Variants in VAV2 observed in about 807,000 individuals in gnomAD.
VAV2 encodes the protein guanine nucleotide exchange factor VAV2.
VAV2 carries 67 observed loss-of-function variants against 132.5 expected under a neutral mutation model. The observed-to-expected ratio is 0.51, with a 90% confidence interval of 0.42 to 0.62. VAV2 has a LOEUF of 0.62. VAV2 is among the 20% of genes least tolerant of loss of function. The pLI is 0.00. For synonymous variants in VAV2, 492 were observed against 443.5 expected, an observed-to-expected ratio of 1.11 and a Z score of -1.37; for missense variants, 938 against 1,153.6, an observed-to-expected ratio of 0.81 and a Z score of 2.71.
At chr9:133,932,624 G>A (rs1021590960) in intron 2 of VAV2, among the ~76,000 whole-genome samples, 3 of 152,220 alleles carry the variant, frequency 2.0e-5, no homozygotes, top group African/African-American at 7.2e-5. Flanking sequence ...CAAGGGGACA[G>A]TCTCAAGCTT....
intron 29 of VAV2, 39 bp from the exon 30 acceptor site, chr9:133,764,148 G>C (rs370246631): frequency 4.3e-6 from 7 of 1,612,798 alleles, no homozygotes; most frequent in Non-Finnish European, 5.9e-6. Context: ...GTGTGTGTGT[G>C]TGTGTGTAAG....
chr9:133,860,251 G>A (rs958447574), intron 3 of VAV2, among the ~76,000 whole-genome samples: 3 of 151,308 alleles, frequency 2.0e-5, no homozygotes, highest in Non-Finnish European at 4.4e-5. Flanking sequence ...GCAGTGAGCC[G>A]AGATCGCGCC....
intron 2 of VAV2, among the ~76,000 whole-genome samples, chr9:133,900,992 G>T (rs1839420139): frequency 6.6e-6 from 1 of 151,664 alleles, no homozygotes; most frequent in Non-Finnish European, 1.5e-5. Context: ...TAGAGACGGG[G>T]TTTCACCGTT....
At chr9:133,873,886 G>T (rs1838158174) in intron 2 of VAV2, among the ~76,000 whole-genome samples, 1 of 152,220 alleles carries the variant, frequency 6.6e-6, no homozygotes, top group Admixed American at 6.5e-5. Context: ...AGAACGAGGG[G>T]TTCCTGTTTG....
At chr9:133,972,986 G>A (rs1374528135) in intron 1 of VAV2, among the ~76,000 whole-genome samples, 1 of 152,146 alleles carries the variant, frequency 6.6e-6, no homozygotes, top group Non-Finnish European at 1.5e-5. Context: ...AGGGTGGGAG[G>A]CGGAGGAGGA....
chr9:133,950,143 C>T (rs576910340), intron 1 of VAV2, among the ~76,000 whole-genome samples: 1 of 152,334 alleles, frequency 6.6e-6, no homozygotes, highest in East Asian at 1.9e-4. Context: ...TCTGGCTGCC[C>T]AGCAACCCCT....
chr9:133,818,104 C>T (rs1249046038), intron 4 of VAV2, among the ~76,000 whole-genome samples: 4 of 152,144 alleles, frequency 2.6e-5, no homozygotes, highest in Non-Finnish European at 4.4e-5. Context: ...GCGGCTCACG[C>T]CTGTAATCTC....
chr9:133,838,950 G>T, intron 3 of VAV2, among the ~76,000 whole-genome samples: 1 of 144,684 alleles, frequency 6.9e-6, no homozygotes, highest in Non-Finnish European at 1.5e-5. Context: ...TGGATGGGGT[G>T]GGTGGGTAGG....
chr9:133,789,095 G>A (rs978046830), intron 14 of VAV2, among the ~76,000 whole-genome samples, 163 bp downstream of exon 14: 1 of 152,224 alleles, frequency 6.6e-6, no homozygotes, highest in African/African-American at 2.4e-5. Flanking sequence ...GCTCGCTGAC[G>A]AGAAGGAAGG....
At chr9:133,791,910 G>T in intron 12 of VAV2, 41 bp from the exon 13 acceptor site, 2 of 1,556,176 alleles carry the variant, frequency 1.3e-6, no homozygotes, top group Non-Finnish European at 1.8e-6. Flanking sequence ...TGTGCTGGGT[G>T]GGGTGTGTGT....
chr9:133,947,271 T>A (rs1841392968), intron 1 of VAV2, among the ~76,000 whole-genome samples: 1 of 152,072 alleles, frequency 6.6e-6, no homozygotes, highest in Non-Finnish European at 1.5e-5. Context: ...CCTGCACAAC[T>A]CTACACACCA....
At chr9:133,927,845 G>C (rs75259843) in intron 2 of VAV2, 2 of 152,194 alleles carry the variant, frequency 1.3e-5, no homozygotes, top group Non-Finnish European at 2.9e-5. Context: ...GGCCAAGGCC[G>C]CTCCCAGAGC....
In VAV2 at chr9:133,883,218, C is replaced by A. The variant is rs1042078448; in HGVS notation, c.322-21786G>T. 6.6e-6 allele frequency among the ~76,000 whole-genome samples: 1 copy of A among 152,252 alleles called. No individual in the cohort carries two copies. The highest frequency in any genetic ancestry group is 1.5e-5 in the Non-Finnish European group (1 of 68,054). ...CTCCTGGAGCAGATGGGCCCTTCAT[C>A]ATTTGCTCATTTCACGTTCCCCTAA... is the stretch of plus-strand genomic sequence containing the variant. On this transcript the variant is annotated intron_variant, in intron 2 of 29. Coordinates refer to ENST00000371850, the MANE Select transcript of VAV2 (RefSeq NM_001134398.2). This position sits in a 1 kb window ranked among gnomAD's most constrained non-coding sequence, Gnocchi z 4.2.
At chr9:133,829,517 A>G (rs915862237) in intron 4 of VAV2, among the ~76,000 whole-genome samples, 1 of 152,254 alleles carries the variant, frequency 6.6e-6, no homozygotes, top group Admixed American at 6.5e-5. Context: ...GAGCTCCATA[A>G]GCCAGATCAG....
At chr9:133,934,270 G>A (rs935832115) in intron 2 of VAV2, among the ~76,000 whole-genome samples, 1 of 152,188 alleles carries the variant, frequency 6.6e-6, no homozygotes, top group African/African-American at 2.4e-5. Context: ...CCAGAGCCCA[G>A]ACAAGATCTG....
Position 133,879,576 on chromosome 9 carries a change from C to T in VAV2, c.322-18144G>A, listed in dbSNP as rs1438101817. Among the ~76,000 whole-genome samples the T allele has an allele frequency of 6.6e-6, 1 of 152,176 alleles. No homozygotes were observed. The highest frequency in any genetic ancestry group is 1.9e-4 in the East Asian group (1 of 5,184). On this transcript the variant is annotated intron_variant, in intron 2 of 29. Transcript: ENST00000371850. The surrounding 1 kb of genome is among the most constrained non-coding windows in gnomAD (Gnocchi z 4.4). ...CCACAGCCTTGAGCACCTGACATTA[C>T]AGACCCACAGGGCAACCAAGTGCAC... is the stretch of plus-strand genomic sequence containing the variant.
rs1326504886 is a variant in VAV2 at position 133,857,399 on chromosome 9, A to T, written c.380+3975T>A. Among the ~76,000 whole-genome samples, 2 of 152,208 alleles carry T rather than the reference A, an allele frequency of 1.3e-5. No individual in the cohort carries two copies. The highest frequency in any genetic ancestry group is 2.9e-5 in the Non-Finnish European group (2 of 68,040). ...TAAGTCTCCAATTCATCAGCCTCTGAGAAGTATAATTGGGGCTTTTATGGA... is the reference window on the plus strand; with the variant it reads ...TAAGTCTCCAATTCATCAGCCTCTGTGAAGTATAATTGGGGCTTTTATGGA... On this transcript the variant is annotated intron_variant, in intron 3 of 29. Coordinates refer to ENST00000371850, the MANE Select transcript of VAV2 (RefSeq NM_001134398.2). The surrounding 1 kb of genome is among the most constrained non-coding windows in gnomAD (Gnocchi z 4.0).
chr9:133,945,838 C>T (rs541600674), intron 1 of VAV2, among the ~76,000 whole-genome samples: 2 of 152,360 alleles, frequency 1.3e-5, no homozygotes, highest in Admixed American at 1.3e-4. Context: ...TTGCACACAA[C>T]CACATTCCAG....
intron 2 of VAV2, among the ~76,000 whole-genome samples, chr9:133,931,911 A>C (rs566538234): frequency 1.3e-4 from 20 of 152,314 alleles, no homozygotes; most frequent in Admixed American, 5.2e-4. Context: ...CCAGTTGCTT[A>C]GGTGGGGATA....
Sources: allele counts gnomAD v4.1 joint callset (sites outside exome capture counted in the v4.1 genomes callset), GRCh38; gene constraint gnomAD v4.1.1; non-coding constraint Gnocchi (gnomAD v3.1); transcripts MANE v1.5; gene names NCBI Gene and HGNC (gene_info 2026-07-23, HGNC 2026-07-21).